Variants in TFDP2 observed in about 807,000 individuals in gnomAD.
TFDP2 encodes the protein transcription factor Dp-2.
In TFDP2, 17 loss-of-function variants were observed where a neutral mutation model predicts 59.3. That is an observed-to-expected ratio of 0.29 (90% CI 0.20 to 0.43). TFDP2 has a LOEUF of 0.43. Among genes scored for constraint, TFDP2 ranks in the 20% least tolerant of loss-of-function variants. The pLI is 1.00. For missense variants in TFDP2, 391 were observed against 528.8 expected, an observed-to-expected ratio of 0.74 and a Z score of 2.56; for synonymous variants, 180 against 194.7, an observed-to-expected ratio of 0.92 and a Z score of 0.63.
intron 3 of TFDP2, 144 bp downstream of exon 3, chr3:142,092,917 T>C: frequency 1.8e-6 from 1 of 544,296 alleles, no homozygotes; most frequent in Non-Finnish European, 3.1e-6. Flanking sequence ...ATGACTTTCA[T>C]ACAGCACAAG....
chr3:142,055,151 T>C (rs1452502098), intron 3 of TFDP2, among the ~76,000 whole-genome samples: 1 of 152,232 alleles, frequency 6.6e-6, no homozygotes, highest in African/African-American at 2.4e-5. Context: ...TCAACAAGCA[T>C]TGAATTGTTC....
At position 142,029,861 on chromosome 3, in the gene TFDP2, C is replaced by T. The variant is rs11569165; in HGVS notation, c.83-24317G>A. Among the ~76,000 whole-genome samples the T allele has an allele frequency of 2.0e-3, 307 of 152,244 alleles. 3 individuals carry two copies. The highest frequency in any genetic ancestry group is 3.8e-3 in the Non-Finnish European group (257 of 67,996). On this transcript the variant is annotated intron_variant, in intron 3 of 12. Coordinates refer to ENST00000489671, the MANE Select transcript of TFDP2 (RefSeq NM_001178139.2). Reference sequence around the variant, plus strand: ...AGTAGTGAATGCAACAGACAAAAGCCAAACAAAAAATCTCTGTCTTTCGTG... The same window carrying T: ...AGTAGTGAATGCAACAGACAAAAGCTAAACAAAAAATCTCTGTCTTTCGTG...
intron 1 of TFDP2, among the ~76,000 whole-genome samples, chr3:142,110,398 G>A (rs2061612726): frequency 6.6e-6 from 1 of 152,024 alleles, no homozygotes; most frequent in Non-Finnish European, 1.5e-5. Context: ...CAGCTACTTG[G>A]GAGGCTGAGG....
intron 3 of TFDP2, among the ~76,000 whole-genome samples, chr3:142,061,265 T>C (rs1307015391): frequency 1.3e-5 from 2 of 152,116 alleles, no homozygotes; most frequent in Non-Finnish European, 2.9e-5. Context: ...ACCAAAAATA[T>C]AGGAAAGGCT....
chr3:142,132,417 A>G (rs988000739), intron 1 of TFDP2, among the ~76,000 whole-genome samples: 3 of 149,872 alleles, frequency 2.0e-5, no homozygotes, highest in Non-Finnish European at 4.4e-5. Context: ...ATACTAAACA[A>G]CCACATCTTT....
chr3:142,010,628 A>C (rs1438826878), intron 3 of TFDP2, among the ~76,000 whole-genome samples: 2 of 148,248 alleles, frequency 1.3e-5, no homozygotes, highest in African/African-American at 2.4e-5. Flanking sequence ...AAAAAAAAAA[A>C]ACCTACCATC....
rs949504173 is a variant in TFDP2, at chr3:141,944,987, C to T, written c.*7526G>A. On this transcript the variant is annotated 3_prime_UTR_variant, in exon 13 of 13. Coordinates refer to ENST00000489671, the MANE Select transcript of TFDP2 (RefSeq NM_001178139.2). ...TCTCTCTTGTTTAAATTGCTTAAAGCATGTGGCACCACGATGTATCCTTCA... is the reference window on the plus strand; with the variant it reads ...TCTCTCTTGTTTAAATTGCTTAAAGTATGTGGCACCACGATGTATCCTTCA... 6.6e-6 allele frequency: 1 copy of T among 152,200 alleles called. No individual in the cohort carries two copies. Among genetic ancestry groups the T allele is most frequent in the Non-Finnish European group, 1.5e-5 (1 of 68,042 alleles). 9.4% of individuals were successfully genotyped at this position (152,200 alleles called of 1,614,324 possible). A position where few individuals can be genotyped will look rare whatever the true frequency, so the allele number is the denominator to read the frequency against.
intron 3 of TFDP2, among the ~76,000 whole-genome samples, chr3:142,020,167 A>G (rs1945471107): frequency 1.3e-5 from 2 of 152,186 alleles, no homozygotes; most frequent in African/African-American, 4.8e-5. Flanking sequence ...AAAGCAATAT[A>G]TGCCACTGAA....
intron 2 of TFDP2, among the ~76,000 whole-genome samples, chr3:142,097,807 C>T (rs2061207531): frequency 6.6e-6 from 1 of 152,106 alleles, no homozygotes; most frequent in Admixed American, 6.5e-5. Flanking sequence ...ATAAACCCAG[C>T]AATTTATAGT....
intron 3 of TFDP2, among the ~76,000 whole-genome samples, chr3:142,046,814 A>T (rs11720300): frequency 0.057 from 8,633 of 152,030 alleles, 304 homozygotes; most frequent in Middle Eastern, 0.11. Flanking sequence ...TTTTGTGTAT[A>T]TTCCCAAATT....
Position 142,129,720 on chromosome 3 carries a change from C to T in TFDP2, c.-93+19463G>A, listed in dbSNP as rs932839888. Among the ~76,000 whole-genome samples, 4 of 151,082 alleles carry T rather than the reference C, an allele frequency of 2.6e-5. No homozygotes were observed. In the East Asian group the frequency reaches 7.7e-4, roughly 29 times the overall value. ...AAATGGTGGCTTGTGCCTGTGGTCC[C>T]AGTTACTCAGCAGGCCAAACCAGCC... is the stretch of plus-strand genomic sequence containing the variant. On this transcript the variant is annotated intron_variant, in intron 1 of 12. Transcript: ENST00000489671.
At chr3:142,038,383 C>CAAAAAAAAAAAA (rs1184364752) in intron 3 of TFDP2, among the ~76,000 whole-genome samples, 1 of 41,438 alleles carries the variant, frequency 2.4e-5, no homozygotes, top group African/African-American at 1.1e-4. Flanking sequence ...GACTCCATCT[C>CAAAAAAAAAAAA]AAAAAAAAAA....
intron 3 of TFDP2, among the ~76,000 whole-genome samples, chr3:142,027,201 A>G (rs994178719): frequency 6.6e-6 from 1 of 152,218 alleles, no homozygotes; most frequent in Non-Finnish European, 1.5e-5. Context: ...CATTAATTAT[A>G]CAGGCTACAG....
Position 141,993,601 on chromosome 3 carries a change from G to A in TFDP2, c.309-16C>T, listed in dbSNP as rs763122031. ...TTTTCTATCACTAAAAAGGAAAAAAGATAGCATAAAAACAATACATACTTA... is the reference window on the plus strand; with the variant it reads ...TTTTCTATCACTAAAAAGGAAAAAAAATAGCATAAAAACAATACATACTTA... On this transcript the variant is annotated splice_polypyrimidine_tract_variant and intron_variant, in intron 5 of 12. Transcript: ENST00000489671. 5 of 1,489,336 alleles carry A rather than the reference G, an allele frequency of 3.4e-6. No individual in the cohort carries two copies. The highest frequency in any genetic ancestry group is 1.8e-5 in the Admixed American group (1 of 54,102). The allele number at this position is 1,489,336 out of a possible 1,614,324, so 92.3% of individuals were successfully genotyped here.
In TFDP2 at chr3:141,944,818, A is replaced by C. The variant is rs2107792619; in HGVS notation, c.*7695T>G. On this transcript the variant is annotated 3_prime_UTR_variant, in exon 13 of 13. Transcript: ENST00000489671. ...CGTATACAGAAATAGCTCTTCTATAAAATTTCCATATAAAAATAATGGCAT... is the reference window on the plus strand; with the variant it reads ...CGTATACAGAAATAGCTCTTCTATACAATTTCCATATAAAAATAATGGCAT... 1 of 152,344 alleles carries C rather than the reference A, an allele frequency of 6.6e-6. No homozygotes were observed. The highest frequency in any genetic ancestry group is 2.4e-5 in the African/African-American group (1 of 41,574). 9.4% of individuals were successfully genotyped at this position (152,344 alleles called of 1,614,324 possible). A position where few individuals can be genotyped will look rare whatever the true frequency, so the allele number is the denominator to read the frequency against.
intron 4 of TFDP2, among the ~76,000 whole-genome samples, chr3:141,997,063 T>A (rs1316788215): frequency 1.3e-5 from 2 of 152,112 alleles, no homozygotes; most frequent in East Asian, 3.9e-4. Context: ...ACTCCACACA[T>A]CTGGTCCCAC....
At chr3:142,034,252 C>G (rs1162912091) in intron 3 of TFDP2, among the ~76,000 whole-genome samples, 3 of 151,910 alleles carry the variant, frequency 2.0e-5, no homozygotes, top group East Asian at 1.9e-4. Flanking sequence ...TGCGCCACCA[C>G]GCCTGGCTAA....
chr3:142,067,424 A>G (rs770232151), intron 3 of TFDP2, among the ~76,000 whole-genome samples: 9 of 151,794 alleles, frequency 5.9e-5, no homozygotes, highest in Non-Finnish European at 1.3e-4. Context: ...ATATATATAT[A>G]TAAGATCTCT....
chr3:142,130,888 C>T (rs2062479351), intron 1 of TFDP2, among the ~76,000 whole-genome samples: 2 of 151,716 alleles, frequency 1.3e-5, no homozygotes, highest in African/African-American at 4.8e-5. Context: ...CTCATCTCTA[C>T]TAAAAATACA....
Sources: allele counts gnomAD v4.1 joint callset (sites outside exome capture counted in the v4.1 genomes callset), GRCh38; gene constraint gnomAD v4.1.1; transcripts MANE v1.5; gene names NCBI Gene and HGNC (gene_info 2026-07-23, HGNC 2026-07-21).